Variants in ELOVL5 observed in about 807,000 individuals in gnomAD.
ELOVL5 encodes the protein ELOVL fatty acid elongase 5, also known as very long chain fatty acid elongase 5.
In ELOVL5, 8 loss-of-function variants were observed where a neutral mutation model predicts 38.6. The observed-to-expected ratio is 0.21, with a 90% CI of 0.12 to 0.37. The LOEUF is 0.37. ELOVL5 is among the 10% of genes least tolerant of loss of function. The pLI is 1.00. For synonymous variants in ELOVL5, 127 were observed against 133.7 expected, an observed-to-expected ratio of 0.95 and a Z score of 0.34; for missense variants, 280 against 367.8, an observed-to-expected ratio of 0.76 and a Z score of 1.95.
At chr6:53,343,214 C>A (rs1769400543) in intron 1 of ELOVL5, among the ~76,000 whole-genome samples, 1 of 122,968 alleles carries the variant, frequency 8.1e-6, no homozygotes, top group Non-Finnish European at 1.7e-5. Context: ...TCCTTTCCTT[C>A]TTTCTTTATT....
In ELOVL5 at chr6:53,348,914, G is replaced by A. The variant is rs1354483790; in HGVS notation, c.-106C>T. The A allele has an allele frequency of 3.3e-5, 15 of 449,550 alleles. No homozygotes were observed. Among genetic ancestry groups the A allele is most frequent in the Admixed American group, 1.4e-4 (6 of 41,814 alleles). The allele number at this position is 449,550 out of a possible 1,614,324, so 27.8% of individuals were successfully genotyped here. A position where few individuals can be genotyped will look rare whatever the true frequency, so the allele number is the denominator to read the frequency against. ...GCCGGCGCAGAGGCGGATGTAGAAG[G>A]AGACACCGGTGGCTAGGACCCGCGC... On this transcript the variant is annotated 5_prime_UTR_variant, in exon 1 of 8. Transcript: ENST00000304434.
chr6:53,276,147 T>A (rs181243280), intron 4 of ELOVL5, 32 bp downstream of exon 4: 17 of 1,472,558 alleles, frequency 1.2e-5, no homozygotes, highest in Admixed American at 1.7e-5. Flanking sequence ...TCAACACTTA[T>A]AATAATAAAG....
chr6:53,313,280 T>C lies in ELOVL5; in HGVS notation c.-8-17573A>G, dbSNP rs374394091. ...ATTGGGATAAAAGTTTATAAATTTA[T>C]TATGACTCTACTGCTTTATATAAGT... On this transcript the variant is annotated intron_variant, in intron 1 of 7. Transcript: ENST00000304434. Among the ~76,000 whole-genome samples the C allele has an allele frequency of 9.2e-5, 14 of 152,370 alleles. No homozygotes were observed. In the South Asian group the frequency reaches 2.5e-3, roughly 27 times the overall value.
At chr6:53,298,440 T>C (rs1472988491) in intron 1 of ELOVL5, among the ~76,000 whole-genome samples, 1 of 152,230 alleles carries the variant, frequency 6.6e-6, no homozygotes, top group Non-Finnish European at 1.5e-5. Flanking sequence ...GAACGGACTT[T>C]TGCTAGATTA....
At chr6:53,310,155 A>G (rs1055910763) in intron 1 of ELOVL5, among the ~76,000 whole-genome samples, 4 of 151,984 alleles carry the variant, frequency 2.6e-5, no homozygotes, top group Admixed American at 2.6e-4. Flanking sequence ...TAAAATATAA[A>G]CCCTCCCCCT....
intron 1 of ELOVL5, among the ~76,000 whole-genome samples, chr6:53,338,069 T>C (rs970104244): frequency 6.6e-6 from 1 of 152,056 alleles, no homozygotes; most frequent in African/African-American, 2.4e-5. Flanking sequence ...AAGAAATAGA[T>C]GGGCTAGAAA....
In ELOVL5 at chr6:53,341,180, A is replaced by G. The variant is rs370097605; in HGVS notation, c.-9+7637T>C. ...GTTCAAAATATCTAAAATAAGGAGT[A>G]ATGGAAGAAACAAACGGTCACCCTT... On this transcript the variant is annotated intron_variant, in intron 1 of 7. Transcript: ENST00000304434. Among the ~76,000 whole-genome samples, 67 of 152,348 alleles carry G rather than the reference A, an allele frequency of 4.4e-4. 1 individual carries two copies. Among genetic ancestry groups the G allele is most frequent in the African/African-American group, 1.6e-3 (65 of 41,562 alleles).
chr6:53,293,160 A>T (rs1334986374), intron 2 of ELOVL5, among the ~76,000 whole-genome samples: 1 of 152,120 alleles, frequency 6.6e-6, no homozygotes, highest in Non-Finnish European at 1.5e-5. Flanking sequence ...GAACCCTGCT[A>T]TGATGTTCCC....
intron 1 of ELOVL5, among the ~76,000 whole-genome samples, chr6:53,298,450 A>G (rs964398979): frequency 1.3e-5 from 2 of 152,228 alleles, no homozygotes; most frequent in African/African-American, 2.4e-5. Context: ...TTGCTAGATT[A>G]TAAGAAACTA....
At chr6:53,301,630 A>G (rs972916959) in intron 1 of ELOVL5, among the ~76,000 whole-genome samples, 1 of 152,186 alleles carries the variant, frequency 6.6e-6, no homozygotes, top group African/African-American at 2.4e-5. Context: ...CCAGTGAAAA[A>G]AAGTCCCAAT....
chr6:53,326,471 C>G (rs1054116691), intron 1 of ELOVL5, among the ~76,000 whole-genome samples: 1 of 152,126 alleles, frequency 6.6e-6, no homozygotes, highest in Non-Finnish European at 1.5e-5. Context: ...CTCACTGCCC[C>G]CAACCCCACC....
At chr6:53,307,525 G>C (rs1767632067) in intron 1 of ELOVL5, among the ~76,000 whole-genome samples, 1 of 152,216 alleles carries the variant, frequency 6.6e-6, no homozygotes. Context: ...ACAATGATCA[G>C]TTTCATATTC....
intron 3 of ELOVL5, chr6:53,277,793 G>C (rs1388598206): frequency 6.6e-6 from 1 of 152,252 alleles, no homozygotes; most frequent in Non-Finnish European, 1.5e-5. Context: ...GGAGGTCGGG[G>C]GAGGAAGCTG....
At chr6:53,292,972 G>A (rs1736083032) in intron 2 of ELOVL5, among the ~76,000 whole-genome samples, 1 of 152,124 alleles carries the variant, frequency 6.6e-6, no homozygotes, top group Non-Finnish European at 1.5e-5. Context: ...CTTTTCTTAG[G>A]CAGGGAGGAG....
At chr6:53,294,453 G>A (rs1766911422) in intron 2 of ELOVL5, 2 of 1,550,580 alleles carry the variant, frequency 1.3e-6, no homozygotes, top group African/African-American at 2.7e-5. Context: ...ACAACTGTGT[G>A]AAGTGGGGGA....
intron 3 of ELOVL5, 110 bp from the exon 4 acceptor site, chr6:53,276,366 C>G (rs1313758990): frequency 7.0e-6 from 5 of 714,708 alleles, no homozygotes; most frequent in Non-Finnish European, 1.2e-5. Context: ...CTGTGCTGAG[C>G]CAAGTTTGCT....
chr6:53,337,072 T>G (rs1415746232), intron 1 of ELOVL5: 3 of 152,188 alleles, frequency 2.0e-5, no homozygotes, highest in Non-Finnish European at 2.9e-5. Context: ...ATCTACATAT[T>G]TTGGGTAACA....
chr6:53,292,248 T>C (rs1278322986), intron 2 of ELOVL5, among the ~76,000 whole-genome samples: 1 of 152,224 alleles, frequency 6.6e-6, no homozygotes, highest in African/African-American at 2.4e-5. Context: ...AGGAGAAGGC[T>C]ACACTTCCCA....
chr6:53,320,851 A>C (rs1310409618), intron 1 of ELOVL5, among the ~76,000 whole-genome samples: 2 of 152,062 alleles, frequency 1.3e-5, no homozygotes, highest in African/African-American at 4.8e-5. Flanking sequence ...AAACCGGCTT[A>C]TTATCCCAAT....
Sources: allele counts gnomAD v4.1 joint callset (sites outside exome capture counted in the v4.1 genomes callset), GRCh38; gene constraint gnomAD v4.1.1; transcripts MANE v1.5; gene names NCBI Gene and HGNC (gene_info 2026-07-23, HGNC 2026-07-21).